Variants in TBC1D14 observed in about 807,000 individuals in gnomAD.
TBC1D14 encodes the protein TBC1 domain family member 14.
In TBC1D14, 26 loss-of-function variants were observed where a neutral mutation model predicts 79.0. That is an observed-to-expected ratio of 0.33 (90% confidence interval 0.24 to 0.46). The LOEUF (loss-of-function observed/expected upper bound fraction) is 0.46, where lower values mean the gene tolerates loss of function less well. TBC1D14 is among the 20% of genes least tolerant of loss of function. TBC1D14 has a pLI of 1.00. For synonymous variants in TBC1D14, 394 were observed against 349.9 expected, an observed-to-expected ratio of 1.13 and a Z score of -1.40; for missense variants, 769 against 887.6, an observed-to-expected ratio of 0.87 and a Z score of 1.70.
At chr4:6,943,536 C>T (rs991998340) in intron 2 of TBC1D14, among the ~76,000 whole-genome samples, 5 of 152,204 alleles carry the variant, frequency 3.3e-5, no homozygotes, top group South Asian at 4.1e-4. Flanking sequence ...GAGCCAGTGA[C>T]GCCCTGCCTC....
intron 2 of TBC1D14, among the ~76,000 whole-genome samples, chr4:6,936,510 C>T (rs184107730): frequency 1.4e-4 from 21 of 152,180 alleles, no homozygotes; most frequent in African/African-American, 4.8e-4. Context: ...ATGTATGTAC[C>T]GTAGTTTATC....
intron 4 of TBC1D14, 101 bp downstream of exon 4, chr4:6,994,403 A>T: frequency 1.0e-6 from 1 of 987,106 alleles, no homozygotes; most frequent in Non-Finnish European, 1.6e-6. Context: ...AGAAAAGGGG[A>T]GAAGAGTAAG....
chr4:7,019,069 C>T (rs977428342), intron 12 of TBC1D14, among the ~76,000 whole-genome samples: 13 of 152,096 alleles, frequency 8.5e-5, no homozygotes, highest in African/African-American at 2.9e-4. Flanking sequence ...TTCACCCAGG[C>T]TTGAGTGCAG....
At chr4:7,029,269 T>A (rs774731755) in intron 13 of TBC1D14, among the ~76,000 whole-genome samples, 4 of 152,266 alleles carry the variant, frequency 2.6e-5, no homozygotes, top group Non-Finnish European at 5.9e-5. Flanking sequence ...CTTTTACTTT[T>A]AAATTTGTGA....
At chr4:6,998,171 C>G (rs1190958679) in intron 5 of TBC1D14, among the ~76,000 whole-genome samples, 1 of 151,984 alleles carries the variant, frequency 6.6e-6, no homozygotes, top group Non-Finnish European at 1.5e-5. Context: ...ACCAGCCTGG[C>G]CAACATGGTA....
intron 3 of TBC1D14, chr4:6,987,191 G>C (rs974195856): frequency 3.5e-5 from 43 of 1,222,832 alleles, no homozygotes; most frequent in Non-Finnish European, 4.3e-5. Context: ...GTGTCTGCGC[G>C]CGATTGAGCG....
intron 5 of TBC1D14, 128 bp downstream of exon 5, chr4:6,996,535 T>TAA (rs11374636): frequency 2.5e-3 from 1,298 of 525,722 alleles, no homozygotes; most frequent in South Asian, 4.6e-3. Context: ...AGTCTTCCAG[T>TAA]AAAAAAAAAA....
chr4:6,917,869 C>G (rs777027612), intron 1 of TBC1D14, among the ~76,000 whole-genome samples: 1 of 152,190 alleles, frequency 6.6e-6, no homozygotes, highest in Non-Finnish European at 1.5e-5. Flanking sequence ...GGCTTCTGCC[C>G]TAGTGGCACG....
chr4:6,930,535 C>T (rs1263306785), intron 2 of TBC1D14, among the ~76,000 whole-genome samples: 3 of 152,158 alleles, frequency 2.0e-5, no homozygotes, highest in African/African-American at 4.8e-5. Context: ...CAGTGGCTCA[C>T]GCCTGTAATC....
At chr4:6,940,982 T>C (rs1390786445) in intron 2 of TBC1D14, among the ~76,000 whole-genome samples, 1 of 151,892 alleles carries the variant, frequency 6.6e-6, no homozygotes, top group Non-Finnish European at 1.5e-5. Flanking sequence ...AAAGGGAAAA[T>C]GGAGAAAAAG....
chr4:6,994,269 C>G lies in TBC1D14; in HGVS notation c.929C>G (p.Ser310Cys), dbSNP rs1254359645. 6.2e-7 allele frequency: 1 copy of G among 1,614,202 alleles called. No homozygotes were observed. Among genetic ancestry groups the G allele is most frequent in the Admixed American group, 1.7e-5 (1 of 60,026 alleles). Residue 310 changes from serine (S) to cysteine (C), a missense_variant, in exon 4 of 14, where the codon TCC becomes TGC. This residue lies in a region of TBC1D14 where 367 missense variants were observed against 494.4 expected (regional missense o/e 0.74). Transcript: ENST00000409757. ...AAGAATCTTGACTTTGAACCACTTT[C>G]CACCACCGCACTCATCCTCGAGGAC... ...VRKNLDFEPL[S>C]TTALILEDRP...
intron 1 of TBC1D14, among the ~76,000 whole-genome samples, chr4:6,922,996 T>A (rs1723987222): frequency 6.6e-6 from 1 of 152,102 alleles, no homozygotes; most frequent in East Asian, 1.9e-4. Context: ...AGGTCAGGAG[T>A]TTGAGACCAG....
chr4:6,949,908 T>A (rs1278234996), intron 2 of TBC1D14, among the ~76,000 whole-genome samples: 1 of 152,164 alleles, frequency 6.6e-6, no homozygotes, highest in Non-Finnish European at 1.5e-5. Flanking sequence ...TTTTATTTTT[T>A]ATTTTACTTT....
intron 5 of TBC1D14, among the ~76,000 whole-genome samples, chr4:6,998,354 C>T (rs1344343376): frequency 2.7e-5 from 4 of 146,198 alleles, no homozygotes; most frequent in African/African-American, 1.0e-4. Flanking sequence ...AGCAAAACTC[C>T]GTCTAAAAAA....
chr4:6,953,023 CTTTTTT>C lies in TBC1D14; in HGVS notation c.723-14268_723-14263del, dbSNP rs371101904. 3.3e-3 allele frequency among the ~76,000 whole-genome samples: 352 copies of C among 107,098 alleles called. 1 individual carries two copies. The highest frequency in any genetic ancestry group is 0.012 in the African/African-American group (323 of 27,436). 70.3% of individuals were successfully genotyped at this position (107,098 alleles called of 152,430 possible). ...CGCCTAGCTAACTATTTTTTTCTTT[CTTTTTT>C]TTTTTTTTTTTTCTGAGACAGAGCC... is the stretch of plus-strand genomic sequence containing the variant. On this transcript the variant is annotated intron_variant, in intron 2 of 13. Coordinates refer to ENST00000409757, the MANE Select transcript of TBC1D14 (RefSeq NM_020773.3).
chr4:6,973,121 T>A (rs1318707608), intron 3 of TBC1D14, among the ~76,000 whole-genome samples: 3 of 152,206 alleles, frequency 2.0e-5, no homozygotes, highest in African/African-American at 7.2e-5. Context: ...CCCTGTCATG[T>A]GAGCACCGAT....
chr4:7,002,516 T>G (rs1443745803), intron 7 of TBC1D14, among the ~76,000 whole-genome samples: 4 of 152,228 alleles, frequency 2.6e-5, no homozygotes, highest in African/African-American at 4.8e-5. Context: ...AGTTACATGT[T>G]TAGACATGAG....
chr4:7,002,464 T>C (rs1156706405), intron 7 of TBC1D14, among the ~76,000 whole-genome samples: 2 of 152,208 alleles, frequency 1.3e-5, no homozygotes, highest in African/African-American at 2.4e-5. Flanking sequence ...TTAAAACCTA[T>C]GGACCGTATT....
chr4:6,973,748 G>A (rs1716461182), intron 3 of TBC1D14, among the ~76,000 whole-genome samples: 1 of 152,138 alleles, frequency 6.6e-6, no homozygotes, highest in East Asian at 1.9e-4. Flanking sequence ...GAGAAGCTCT[G>A]TACTTCTGAC....
Sources: gnomAD v4.1 joint callset for allele counts (sites outside exome capture counted in the v4.1 genomes callset) on GRCh38, gnomAD v4.1.1 for gene constraint, gnomAD v4.1.1 regional missense constraint, MANE v1.5 for transcripts, NCBI Gene and HGNC (gene_info 2026-07-23, HGNC 2026-07-21) for gene names.